C16orf96: variants seen among roughly 807,000 people sequenced by gnomAD.
The protein encoded by C16orf96 is uncharacterized protein C16orf96.
A neutral mutation model predicts 103.6 loss-of-function variants in C16orf96; 108 were observed. The observed-to-expected ratio is 1.04, with a 90% CI of 0.89 to 1.22. The LOEUF is 1.22. C16orf96 is among the 50% of genes most tolerant of loss of function. The pLI, the probability that C16orf96 is intolerant of heterozygous loss-of-function variation, is 0.00. For synonymous variants in C16orf96, 566 were observed against 593.5 expected (o/e 0.95, Z 0.67); for missense variants, 1,586 against 1,464.2 (o/e 1.08, Z -1.36).
Position 4,594,693 on chromosome 16 carries a change from C to T in C16orf96, c.3028-11C>T. 1 of 1,551,050 alleles carries T rather than the reference C, an allele frequency of 6.4e-7. No homozygotes were observed. Among genetic ancestry groups the T allele is most frequent in the Non-Finnish European group, 8.7e-7 (1 of 1,146,816 alleles). ...GGGGCTCCCTAACCCGGGACCTGGG[C>T]CATCCAACAGGCCGAGGTGGACATC... On this transcript the variant is annotated splice_polypyrimidine_tract_variant and intron_variant, in intron 13 of 15. Transcript: ENST00000444310.
chr16:4,551,723 A>G (rs939591998), upstream of C16orf96, among the ~76,000 whole-genome samples: 1 of 152,102 alleles, frequency 6.6e-6, no homozygotes, highest in Non-Finnish European at 1.5e-5. Context: ...AAGTGCTCAG[A>G]TTATAGGCTT....
the C16orf96 span, among the ~76,000 whole-genome samples, chr16:4,551,310 A>T: frequency 1.3e-5 from 2 of 151,916 alleles, no homozygotes; most frequent in Non-Finnish European, 2.9e-5. Context: ...GGCTTGATGA[A>T]TTTTCCCAAA....
intron 7 of C16orf96, among the ~76,000 whole-genome samples, 153 bp from the exon 8 acceptor site, chr16:4,586,886 G>A (rs1201645693): frequency 1.3e-5 from 2 of 152,152 alleles, no homozygotes; most frequent in Non-Finnish European, 2.9e-5. Context: ...TGGAGCCCTT[G>A]AGCCTGAGTC....
chr16:4,590,463 C>CA (rs1417990473), intron 9 of C16orf96, among the ~76,000 whole-genome samples: 1 of 150,142 alleles, frequency 6.7e-6, no homozygotes, highest in East Asian at 2.0e-4. Flanking sequence ...GAGACTGAGG[C>CA]AAGGAGAATC....
chr16:4,566,826 C>T (rs1396331778), intron 1 of C16orf96, among the ~76,000 whole-genome samples: 1 of 151,962 alleles, frequency 6.6e-6, no homozygotes, highest in Non-Finnish European at 1.5e-5. Context: ...TCTTTATAAT[C>T]CTTTTTATTT....
Position 4,593,272 on chromosome 16 carries a change from A to G in C16orf96, c.2823A>G (p.Pro941=). Residue 941 remains proline, a synonymous_variant, in exon 12 of 16, where the codon CCA becomes CCG. Transcript: ENST00000444310. This position sits in a 1 kb window ranked among gnomAD's most constrained non-coding sequence, Gnocchi z 4.2. ...CCCACCTGCTGTCCCGGCTGCGGCC[A>G]GCCAGCGCCAACAGCTGCGAGTACT... ...RKAHLLSRLR[P]ASANSCEYLQ... is the part of the protein sequence containing the mutation. The G allele has an allele frequency of 6.4e-7, 1 of 1,551,090 alleles. No individual in the cohort carries two copies. The highest frequency in any genetic ancestry group is 8.7e-7 in the Non-Finnish European group (1 of 1,146,900).
At position 4,591,710 on chromosome 16, in the gene C16orf96, G is replaced by C; in HGVS notation, c.2637G>C (p.Glu879Asp). Reference protein sequence around the residue: ...DLDPLKKEMEEVWKIVRKLLI... With the variant: ...DLDPLKKEMEDVWKIVRKLLI... Reference sequence around the variant, plus strand: ...ATCCCTTGAAGAAAGAAATGGAAGAGGTCTGGAAAATCGTCCGGAAGCTGC... The same window carrying C: ...ATCCCTTGAAGAAAGAAATGGAAGACGTCTGGAAAATCGTCCGGAAGCTGC... Residue 879 changes from glutamate (E) to aspartate (D), a missense_variant, in exon 10 of 16, where the codon GAG (glutamate) becomes GAC (aspartate). Glu to Asp is a conservative substitution (Grantham distance 45). Coordinates refer to ENST00000444310, the MANE Select transcript of C16orf96 (RefSeq NM_001145011.2). The C allele has an allele frequency of 1.3e-6, 2 of 1,551,674 alleles. No homozygotes were observed. Among genetic ancestry groups the C allele is most frequent in the Non-Finnish European group, 1.7e-6 (2 of 1,146,986 alleles).
upstream of C16orf96, among the ~76,000 whole-genome samples, chr16:4,554,350 T>G (rs1026208526): frequency 6.6e-6 from 1 of 151,548 alleles, no homozygotes; most frequent in African/African-American, 2.4e-5. Flanking sequence ...TTTTTCTTTT[T>G]CTTTTTCTTT....
chr16:4,582,207 G>A (rs183047538), intron 7 of C16orf96, among the ~76,000 whole-genome samples: 5 of 152,102 alleles, frequency 3.3e-5, no homozygotes, highest in Middle Eastern at 3.4e-3. Flanking sequence ...ACTTAAACCC[G>A]GGAGGCGGAG....
rs1315880297 is a variant in C16orf96, at chr16:4,600,187, T to C, written c.3296T>C (p.Leu1099Pro). 1 of 1,551,430 alleles carries C rather than the reference T, an allele frequency of 6.4e-7. No homozygotes were observed. Among genetic ancestry groups the C allele is most frequent in the Non-Finnish European group, 8.7e-7 (1 of 1,146,966 alleles). The part of the protein sequence containing the change: ...PARPPSLPPL[L>P]LLPPLIPSLR... ...CGACCACCTTCCCTGCCACCTCTGC[T>C]GCTGCTGCCACCGCTGATTCCATCC... The change falls in exon 16 of 16, where the codon CTG becomes CCG. Residue 1099 changes from leucine (L) to proline (P), a missense_variant. Coordinates refer to ENST00000444310, the MANE Select transcript of C16orf96 (RefSeq NM_001145011.2).
intron 1 of C16orf96, among the ~76,000 whole-genome samples, chr16:4,564,026 C>T (rs886979300): frequency 4.0e-5 from 6 of 150,956 alleles, no homozygotes; most frequent in Admixed American, 6.6e-5. Flanking sequence ...GGTGAAATCC[C>T]GTCTCTACTA....
rs554193693 is a variant in C16orf96, at chr16:4,594,739, G to A, written c.3063G>A (p.Leu1021=). ...EVDILGVDGI[L]YKGRVNSQRG... ...ACATCCTGGGCGTGGATGGGATCCT[G>A]TACAAAGGCCGCGTGAACAGCCAGC... The change falls in exon 14 of 16, where the codon CTG becomes CTA. Residue 1021 remains leucine (L), a synonymous_variant. Transcript: ENST00000444310. The A allele has an allele frequency of 6.4e-7, 1 of 1,551,286 alleles. No homozygotes were observed. Among genetic ancestry groups the A allele is most frequent in the East Asian group, 2.4e-5 (1 of 40,904 alleles).
chr16:4,540,282 G>C, the C16orf96 span, among the ~76,000 whole-genome samples: 1 of 152,222 alleles, frequency 6.6e-6, no homozygotes, highest in African/African-American at 2.4e-5. Flanking sequence ...AGGCCTCTCA[G>C]AGGAGGCGAT....
chr16:4,586,209 G>A (rs532520043), intron 7 of C16orf96, among the ~76,000 whole-genome samples: 3 of 152,280 alleles, frequency 2.0e-5, no homozygotes, highest in South Asian at 4.1e-4. Flanking sequence ...GCAGTGAGCC[G>A]AAATGGCGCC....
At chr16:4,565,535 CT>C (rs1233375832) in intron 1 of C16orf96, among the ~76,000 whole-genome samples, 3 of 152,242 alleles carry the variant, frequency 2.0e-5, no homozygotes, top group African/African-American at 2.4e-5. Flanking sequence ...GGCGCCCAGG[CT>C]GGAGTGCAGT....
At chr16:4,563,018 TCTG>T in intron 1 of C16orf96, 1 of 1,002,408 alleles carries the variant, frequency 1.0e-6, no homozygotes, top group Non-Finnish European at 1.6e-6. Flanking sequence ...TGTTACCATC[TCTG>T]CTGCTGCTCC....
At chr16:4,552,927 C>T (rs1466381422), upstream of C16orf96, among the ~76,000 whole-genome samples, 1 of 152,122 alleles carries the variant, frequency 6.6e-6, no homozygotes, top group African/African-American at 2.4e-5. Context: ...ATTAATATGG[C>T]CCCATGAGAG....
At chr16:4,564,400 A>T (rs868509991) in intron 1 of C16orf96, among the ~76,000 whole-genome samples, 1 of 152,168 alleles carries the variant, frequency 6.6e-6, no homozygotes, top group African/African-American at 2.4e-5. Context: ...GTCTAAGGGG[A>T]TGCTAACAAC....
At chr16:4,587,750 CAT>C (rs1896962869) in intron 8 of C16orf96, among the ~76,000 whole-genome samples, 2 of 151,894 alleles carry the variant, frequency 1.3e-5, no homozygotes, top group South Asian at 4.1e-4. Context: ...GCCTGGGAAA[CAT>C]AGGAAGATCA....
Sources: allele counts gnomAD v4.1 joint callset (sites outside exome capture counted in the v4.1 genomes callset), GRCh38; gene constraint gnomAD v4.1.1; non-coding constraint Gnocchi (gnomAD v3.1); transcripts MANE v1.5; gene names NCBI Gene and HGNC (gene_info 2026-07-23, HGNC 2026-07-21).